MEGF11: variants seen among roughly 807,000 people sequenced by gnomAD.
MEGF11 encodes multiple EGF like domains 11, also known as multiple epidermal growth factor-like domains protein 11.
In MEGF11, 126 loss-of-function variants were observed where a neutral mutation model predicts 146.6. The ratio of observed to expected loss-of-function variants is 0.86; its 90% CI spans 0.74 to 1.00. The LOEUF is 1.00. MEGF11 is among the 50% of genes least tolerant of loss of function. MEGF11 has a pLI of 0.00. For missense variants in MEGF11, 1,509 were observed against 1,521.2 expected, an observed-to-expected ratio of 0.99 and a Z score of 0.13; for synonymous variants, 532 against 583.4, an observed-to-expected ratio of 0.91 and a Z score of 1.27.
chr15:66,216,301 T>C (rs968567273), intron 1 of MEGF11, among the ~76,000 whole-genome samples: 5 of 152,058 alleles, frequency 3.3e-5, no homozygotes, highest in African/African-American at 1.2e-4. Context: ...AGCCATCATG[T>C]AGGGGGATCC....
chr15:66,072,086 C>G (rs372942714), intron 5 of MEGF11, among the ~76,000 whole-genome samples: 1 of 152,296 alleles, frequency 6.6e-6, no homozygotes, highest in Admixed American at 6.5e-5. Flanking sequence ...CCTTCGCGTC[C>G]CCAGCCGCCC....
intron 16 of MEGF11, among the ~76,000 whole-genome samples, chr15:65,917,404 CA>C (rs1207322542): frequency 6.6e-6 from 1 of 152,172 alleles, no homozygotes; most frequent in African/African-American, 2.4e-5. Flanking sequence ...TTCCCTCAGC[CA>C]TCTAACTAGG....
intron 1 of MEGF11, among the ~76,000 whole-genome samples, chr15:66,173,756 C>A (rs1479928471): frequency 6.6e-6 from 1 of 152,186 alleles, no homozygotes; most frequent in African/African-American, 2.4e-5. Context: ...GCCCTGCGAG[C>A]TGTTCACGAA....
chr15:65,989,848 G>A, intron 5 of MEGF11, among the ~76,000 whole-genome samples: 1 of 152,182 alleles, frequency 6.6e-6, no homozygotes. Context: ...GAAATGGGAG[G>A]GGGGAATTTA....
chr15:66,131,149 G>A (rs2088630868), intron 1 of MEGF11, among the ~76,000 whole-genome samples: 1 of 152,126 alleles, frequency 6.6e-6, no homozygotes, highest in Non-Finnish European at 1.5e-5. Flanking sequence ...TTTCCTTATC[G>A]GGCACCATGG....
chr15:66,074,081 C>T (rs1336194544), intron 5 of MEGF11, among the ~76,000 whole-genome samples: 4 of 152,184 alleles, frequency 2.6e-5, no homozygotes, highest in Admixed American at 1.3e-4. Flanking sequence ...AAACATTACC[C>T]GGTTGAAATT....
chr15:66,009,523 G>T (rs1049811889), intron 5 of MEGF11, among the ~76,000 whole-genome samples: 5 of 152,022 alleles, frequency 3.3e-5, no homozygotes, highest in African/African-American at 1.2e-4. Context: ...TTGTAGGGGT[G>T]GGTATTTCAA....
chr15:66,226,516 G>T (rs2091856118), intron 1 of MEGF11, among the ~76,000 whole-genome samples: 1 of 152,072 alleles, frequency 6.6e-6, no homozygotes, highest in Admixed American at 6.6e-5. Context: ...CCAAAGTGCT[G>T]GGATTACAGG....
At chr15:66,047,156 T>G (rs1884458166) in intron 5 of MEGF11, among the ~76,000 whole-genome samples, 2 of 152,198 alleles carry the variant, frequency 1.3e-5, no homozygotes, top group African/African-American at 4.8e-5. Flanking sequence ...AGATGAGGGA[T>G]TCAGTGAGGT....
At chr15:66,129,646 A>G (rs2088557548) in intron 1 of MEGF11, among the ~76,000 whole-genome samples, 2 of 152,140 alleles carry the variant, frequency 1.3e-5, no homozygotes, top group Non-Finnish European at 2.9e-5. Context: ...CGCTCAACCT[A>G]CTTAGGAGAA....
chr15:65,905,022 A>G (rs191872547), intron 24 of MEGF11, among the ~76,000 whole-genome samples: 289 of 152,264 alleles, frequency 1.9e-3, no homozygotes, highest in African/African-American at 6.6e-3. Flanking sequence ...CCTCCCAAGT[A>G]GCTGGGATTA....
At chr15:66,168,293 C>G (rs1199207564) in intron 1 of MEGF11, among the ~76,000 whole-genome samples, 1 of 152,118 alleles carries the variant, frequency 6.6e-6, no homozygotes, top group African/African-American at 2.4e-5. Context: ...ACTGCTGCCT[C>G]TCCTTCAGAC....
chr15:65,962,866 C>G (rs570238877), intron 9 of MEGF11, among the ~76,000 whole-genome samples: 5 of 152,276 alleles, frequency 3.3e-5, no homozygotes, highest in African/African-American at 1.2e-4. Flanking sequence ...CTCTGAAGAA[C>G]TGCTACTCCC....
chr15:66,181,702 C>A (rs2141153491), intron 1 of MEGF11, among the ~76,000 whole-genome samples: 1 of 152,256 alleles, frequency 6.6e-6, no homozygotes, highest in East Asian at 1.9e-4. Flanking sequence ...GTCTACAGAC[C>A]ACCCTTGGGA....
At chr15:66,160,242 C>CCTCTCTCTCTCTCTCTCTCTCT (rs143653192) in intron 1 of MEGF11, among the ~76,000 whole-genome samples, 69 of 133,500 alleles carry the variant, frequency 5.2e-4, no homozygotes, top group East Asian at 2.3e-3. Flanking sequence ...AAGGAAAAGC[C>CCTCTCTCTCTCTCTCTCTCTCT]CTCTCTCTCT....
At chr15:66,018,216 C>T (rs896574365) in intron 5 of MEGF11, among the ~76,000 whole-genome samples, 5 of 152,160 alleles carry the variant, frequency 3.3e-5, no homozygotes, top group African/African-American at 9.6e-5. Flanking sequence ...GTCCATGGAG[C>T]CCCCAGCACA....
intron 10 of MEGF11, among the ~76,000 whole-genome samples, chr15:65,936,834 C>A (rs1442271971): frequency 6.6e-6 from 1 of 152,216 alleles, no homozygotes; most frequent in Non-Finnish European, 1.5e-5. Context: ...TCATCACACA[C>A]AGGCAACAGA....
intron 10 of MEGF11, among the ~76,000 whole-genome samples, chr15:65,933,705 G>T (rs1390749813): frequency 6.6e-6 from 1 of 152,212 alleles, no homozygotes; most frequent in Non-Finnish European, 1.5e-5. Context: ...TAAGGAGAAA[G>T]AACCAGATCT....
At chr15:66,169,372 C>T (rs1368407857) in intron 1 of MEGF11, among the ~76,000 whole-genome samples, 3 of 152,160 alleles carry the variant, frequency 2.0e-5, no homozygotes, top group African/African-American at 7.2e-5. Flanking sequence ...TGTCTAGACT[C>T]GAGAGACTTG....
Sources: gnomAD v4.1 joint callset for allele counts (sites outside exome capture counted in the v4.1 genomes callset) on GRCh38, gnomAD v4.1.1 for gene constraint, MANE v1.5 for transcripts, NCBI Gene and HGNC (gene_info 2026-07-23, HGNC 2026-07-21) for gene names.